Variants in TRIQK observed in about 807,000 individuals in gnomAD.
The protein encoded by TRIQK is triple QxxK/R motif-containing protein.
In TRIQK, 10 loss-of-function variants were observed where a neutral mutation model predicts 10.8. That is an observed-to-expected ratio of 0.92 (90% CI 0.57 to 1.57). The LOEUF is 1.57. Ranked by LOEUF, TRIQK falls within the 40% of genes most tolerant of loss-of-function variation. TRIQK has a pLI of 0.00. For synonymous variants in TRIQK, 33 were observed against 33.7 expected (o/e 0.98, Z 0.07); for missense variants, 107 against 97.7 (o/e 1.09, Z -0.40).
intron 1 of TRIQK, among the ~76,000 whole-genome samples, chr8:93,000,797 A>G (rs2130756400): frequency 6.6e-6 from 1 of 152,006 alleles, no homozygotes; most frequent in East Asian, 1.9e-4. Context: ...TGGTAACCAC[A>G]AAAAAAATTA....
intron 1 of TRIQK, among the ~76,000 whole-genome samples, chr8:92,958,111 C>T (rs1396863406): frequency 6.6e-6 from 1 of 151,936 alleles, no homozygotes; most frequent in Non-Finnish European, 1.5e-5. Flanking sequence ...TAAGAGCCTC[C>T]TCAGCCTTTG....
At chr8:92,896,257 G>C (rs1808590355) in intron 3 of TRIQK, among the ~76,000 whole-genome samples, 1 of 152,128 alleles carries the variant, frequency 6.6e-6, no homozygotes, top group South Asian at 2.1e-4. Context: ...TGCAGCTCCG[G>C]GGACACAAGG....
rs189521030 is a variant in TRIQK, at chr8:92,927,463, A to T, written c.-21-10453T>A. Among the ~76,000 whole-genome samples the T allele has an allele frequency of 1.1e-4, 17 of 152,290 alleles. No individual in the cohort carries two copies. In the East Asian group the frequency reaches 3.3e-3, roughly 29 times the overall value. On this transcript the variant is annotated intron_variant, in intron 2 of 4. Coordinates refer to ENST00000521988, the MANE Select transcript of TRIQK (RefSeq NM_001171797.2). The stretch of plus-strand genomic sequence containing the variant: ...AATAACAAAATTTGGGAGTAAAAAA[A>T]TAACCAAAAACCAAATACTAGGAGT...
At chr8:93,002,717 C>T (rs564801732) in intron 1 of TRIQK, among the ~76,000 whole-genome samples, 2 of 151,994 alleles carry the variant, frequency 1.3e-5, no homozygotes, top group South Asian at 4.1e-4. Flanking sequence ...GCCAGGATTT[C>T]GAGACCAGCC....
At chr8:93,010,017 T>C (rs2130762660) in intron 1 of TRIQK, among the ~76,000 whole-genome samples, 1 of 152,146 alleles carries the variant, frequency 6.6e-6, no homozygotes, top group Middle Eastern at 3.4e-3. Flanking sequence ...TAGCCAGACA[T>C]AGAAAGAGAA....
chr8:92,903,318 G>A (rs1463879761), intron 3 of TRIQK, among the ~76,000 whole-genome samples: 2 of 151,814 alleles, frequency 1.3e-5, no homozygotes, highest in Non-Finnish European at 2.9e-5. Context: ...ATTGGTTATG[G>A]AAGTTTTATC....
intron 2 of TRIQK, among the ~76,000 whole-genome samples, chr8:92,931,219 A>G (rs1810705807): frequency 6.6e-6 from 1 of 152,206 alleles, no homozygotes; most frequent in African/African-American, 2.4e-5. Flanking sequence ...AGTCTTATCA[A>G]AATCACTACT....
chr8:93,004,457 C>G (rs1813247977), intron 1 of TRIQK, among the ~76,000 whole-genome samples: 1 of 152,196 alleles, frequency 6.6e-6, no homozygotes, highest in African/African-American at 2.4e-5. Flanking sequence ...ATGGGAGGGG[C>G]TGATGCAAAG....
chr8:93,009,403 A>T (rs555348519), intron 1 of TRIQK, among the ~76,000 whole-genome samples: 107 of 152,284 alleles, frequency 7.0e-4, no homozygotes, highest in Non-Finnish European at 1.3e-3. Context: ...TGAGGTCAGG[A>T]GTTTGAGACC....
chr8:92,906,718 C>G (rs1809277545), intron 3 of TRIQK, among the ~76,000 whole-genome samples: 1 of 101,748 alleles, frequency 9.8e-6, no homozygotes, highest in South Asian at 2.6e-4. Flanking sequence ...AATCCCGTCT[C>G]TATCAAAAAA....
chr8:92,927,735 A>G (rs561078931), intron 2 of TRIQK, among the ~76,000 whole-genome samples: 5 of 152,162 alleles, frequency 3.3e-5, no homozygotes, highest in Non-Finnish European at 7.3e-5. Flanking sequence ...AGACTCAGTT[A>G]GAAAGACTGA....
At chr8:93,015,366 T>C (rs980929713) in intron 1 of TRIQK, among the ~76,000 whole-genome samples, 1 of 151,956 alleles carries the variant, frequency 6.6e-6, no homozygotes, top group Non-Finnish European at 1.5e-5. Flanking sequence ...AAGCATGTTT[T>C]ATTTTTTTAA....
rs1160161174 is a variant in TRIQK, at chr8:92,886,654, C to T, written c.229G>A (p.Val77Ile). The change falls in exon 5 of 5, where the codon GTT becomes ATT. Residue 77 changes from valine to isoleucine, a missense_variant. Val to Ile is a conservative substitution (Grantham distance 29). Transcript: ENST00000521988. ...TCATCTTGGTCCAGATCAGGGTCAA[C>T]ATCCGTGGTGAGTCTGAGATAAAAG... is the stretch of plus-strand genomic sequence containing the variant. ...AFFYLRLTTD[V>I]DPDLDQDED The T allele has an allele frequency of 2.0e-6, 3 of 1,530,464 alleles. No homozygotes were observed. The highest frequency in any genetic ancestry group is 2.4e-5 in the South Asian group (2 of 83,512). 94.8% of individuals were successfully genotyped at this position (1,530,464 alleles called of 1,614,324 possible).
chr8:92,892,026 A>G lies in TRIQK; in HGVS notation c.110T>C (p.Leu37Ser), dbSNP rs1816793276. ...KTKPILRATKLKAEAKKTAIG... is the reference protein window; with the variant it reads ...KTKPILRATKSKAEAKKTAIG... Reference sequence around the variant, plus strand: ...TGCTGTTTTCTTTGCTTCTGCTTTTAATTTGGTTGCTCGTAAAATAGGTTT... The same window carrying G: ...TGCTGTTTTCTTTGCTTCTGCTTTTGATTTGGTTGCTCGTAAAATAGGTTT... Residue 37 changes from leucine (L) to serine (S), a missense_variant, in exon 4 of 5, where the codon TTA (leucine) becomes TCA (serine). Transcript: ENST00000521988. The G allele has an allele frequency of 6.5e-6, 10 of 1,533,572 alleles. No homozygotes were observed. The highest frequency in any genetic ancestry group is 8.7e-6 in the Non-Finnish European group (10 of 1,144,542). The allele number at this position is 1,533,572 out of a possible 1,614,324, so 95.0% of individuals were successfully genotyped here.
chr8:92,947,056 C>A (rs1178699274), intron 2 of TRIQK, among the ~76,000 whole-genome samples: 1 of 151,660 alleles, frequency 6.6e-6, no homozygotes, highest in Admixed American at 6.6e-5. Flanking sequence ...TGAGCCACTG[C>A]GCCTGGCTCA....
chr8:92,957,367 T>A (rs998969864), intron 1 of TRIQK, among the ~76,000 whole-genome samples: 2 of 151,730 alleles, frequency 1.3e-5, no homozygotes, highest in Non-Finnish European at 2.9e-5. Context: ...TATATACACA[T>A]ATATATGTGA....
intron 2 of TRIQK, among the ~76,000 whole-genome samples, chr8:92,943,537 G>A (rs1217904708): frequency 3.3e-5 from 5 of 152,128 alleles, no homozygotes; most frequent in Non-Finnish European, 7.4e-5. Flanking sequence ...ACAGCCAACT[G>A]ATGTTCAACA....
chr8:92,899,432 T>G (rs1808801448), intron 3 of TRIQK, among the ~76,000 whole-genome samples: 2 of 152,148 alleles, frequency 1.3e-5, no homozygotes, highest in Non-Finnish European at 2.9e-5. Flanking sequence ...ACCATCCTTT[T>G]ATTCTCTATT....
chr8:92,923,820 AC>A (rs1165204906), intron 2 of TRIQK, among the ~76,000 whole-genome samples: 1 of 151,970 alleles, frequency 6.6e-6, no homozygotes, highest in African/African-American at 2.4e-5. Flanking sequence ...ACCTTTAAAA[AC>A]AAAAGTAGTA....
Sources: gnomAD v4.1 joint callset for allele counts (sites outside exome capture counted in the v4.1 genomes callset) on GRCh38, gnomAD v4.1.1 for gene constraint, MANE v1.5 for transcripts, NCBI Gene and HGNC (gene_info 2026-07-23, HGNC 2026-07-21) for gene names.